RANBP2: variants seen among roughly 807,000 people sequenced by gnomAD.
RANBP2 encodes the protein RAN binding protein 2.
In RANBP2, 57 loss-of-function variants were observed where a neutral mutation model predicts 303.6. The ratio of observed to expected loss-of-function variants is 0.19; its 90% CI spans 0.15 to 0.23. The LOEUF (loss-of-function observed/expected upper bound fraction) is 0.23, where lower values mean the gene tolerates loss of function less well. RANBP2 is among the 10% of genes least tolerant of loss of function. The probability of loss-of-function intolerance (pLI) is 1.00; values close to 1 mark genes in which losing one functional copy is unlikely to be tolerated. For synonymous variants in RANBP2, 1,167 were observed against 1,301.5 expected (o/e 0.90, Z 2.23); for missense variants, 3,138 against 3,780.8 (o/e 0.83, Z 4.46).
the RANBP2 span, among the ~76,000 whole-genome samples, chr2:109,344,749 G>C: frequency 2.0e-5 from 3 of 152,140 alleles, no homozygotes; most frequent in African/African-American, 4.8e-5. Context: ...CAAGGGAAAG[G>C]GTGGGCACAG....
Position 108,775,601 on chromosome 2 carries a change from A to G in RANBP2, c.8293-131A>G, listed in dbSNP as rs373275078. 1,122 of 860,266 alleles carry G rather than the reference A, an allele frequency of 1.3e-3. 23 individuals carry two copies. The South Asian group carries it at 0.016, about 12-fold the overall frequency. 53.3% of individuals were successfully genotyped at this position (860,266 alleles called of 1,614,324 possible). On this transcript the variant is annotated intron_variant, in intron 23 of 28. Transcript: ENST00000283195. Reference sequence around the variant, plus strand: ...ATTTAGTTATAGGTTTTGAGGAGAGATAGGGTGAAGTGTGTTTATTCTATC... The same window carrying G: ...ATTTAGTTATAGGTTTTGAGGAGAGGTAGGGTGAAGTGTGTTTATTCTATC...
chr2:109,103,544 GTTA>G, the RANBP2 span, among the ~76,000 whole-genome samples: 2 of 152,192 alleles, frequency 1.3e-5, no homozygotes, highest in African/African-American at 4.8e-5. Flanking sequence ...GGTTGAAAGA[GTTA>G]TTATCTAAAG....
the RANBP2 span, among the ~76,000 whole-genome samples, chr2:109,643,468 G>A: frequency 1.3e-5 from 2 of 152,122 alleles, no homozygotes; most frequent in African/African-American, 4.8e-5. Flanking sequence ...CAGTAAAGAA[G>A]CCTGCCAAAG....
chr2:108,773,877 G>C (rs901049479), intron 23 of RANBP2, among the ~76,000 whole-genome samples: 7 of 152,150 alleles, frequency 4.6e-5, no homozygotes, highest in Non-Finnish European at 7.3e-5. Context: ...TCAATCTCTT[G>C]ACCTCGTGAT....
the RANBP2 span, among the ~76,000 whole-genome samples, chr2:109,401,439 A>C: frequency 2.4e-3 from 360 of 152,320 alleles, 2 homozygotes; most frequent in African/African-American, 7.8e-3. Flanking sequence ...AGGGACCCCC[A>C]TCAACCAGAG....
chr2:109,248,845 G>A, the RANBP2 span, among the ~76,000 whole-genome samples: 743 of 129,440 alleles, frequency 5.7e-3, 2 homozygotes, highest in African/African-American at 0.017. Context: ...TCTCCTTTTC[G>A]TTTTCCTTTT....
At chr2:108,760,236 C>T (rs2557907) in intron 18 of RANBP2, among the ~76,000 whole-genome samples, 1 of 152,162 alleles carries the variant, frequency 6.6e-6, no homozygotes, top group African/African-American at 2.4e-5. Flanking sequence ...TTAACATTTC[C>T]TATATTTGAG....
the RANBP2 span, among the ~76,000 whole-genome samples, chr2:109,107,535 G>C: frequency 5.9e-4 from 90 of 152,216 alleles, 1 homozygote; most frequent in Non-Finnish European, 1.2e-4. Flanking sequence ...GTTGAATCAA[G>C]TCTACTTTCC....
At chr2:109,333,104 C>CA in the RANBP2 span, among the ~76,000 whole-genome samples, 1 of 152,202 alleles carries the variant, frequency 6.6e-6, no homozygotes, top group African/African-American at 2.4e-5. Flanking sequence ...CAGTGCGTTC[C>CA]AGGAGAGACC....
At chr2:109,336,523 A>T in the RANBP2 span, among the ~76,000 whole-genome samples, 3 of 152,218 alleles carry the variant, frequency 2.0e-5, no homozygotes, top group Admixed American at 1.3e-4. Context: ...GGCCCCGTGT[A>T]CCCCGCAGGC....
the RANBP2 span, among the ~76,000 whole-genome samples, chr2:108,848,982 A>C: frequency 6.6e-6 from 1 of 152,210 alleles, no homozygotes; most frequent in Non-Finnish European, 1.5e-5. Context: ...CCCTGTGTTC[A>C]AGAAGGTAAA....
chr2:109,580,197 G>T, the RANBP2 span, among the ~76,000 whole-genome samples: 2 of 150,846 alleles, frequency 1.3e-5, no homozygotes, highest in Non-Finnish European at 1.5e-5. Flanking sequence ...AAAACTAAAA[G>T]AAAAATATAG....
At chr2:108,975,871 G>A in the RANBP2 span, among the ~76,000 whole-genome samples, 1 of 152,188 alleles carries the variant, frequency 6.6e-6, no homozygotes, top group African/African-American at 2.4e-5. Flanking sequence ...TCTGTGGATG[G>A]TGGAAAGGGC....
chr2:109,550,472 C>T, the RANBP2 span, among the ~76,000 whole-genome samples: 4 of 151,826 alleles, frequency 2.6e-5, no homozygotes, highest in South Asian at 8.3e-4. Context: ...TGCCACCATG[C>T]CTGGCTAATT....
the RANBP2 span, among the ~76,000 whole-genome samples, chr2:109,645,387 A>G: frequency 6.6e-6 from 1 of 152,226 alleles, no homozygotes; most frequent in Non-Finnish European, 1.5e-5. Flanking sequence ...CTGATGAGAG[A>G]TGCCTGAAAT....
the RANBP2 span, among the ~76,000 whole-genome samples, chr2:108,993,569 C>T: frequency 6.6e-6 from 1 of 152,066 alleles, no homozygotes; most frequent in South Asian, 2.1e-4. Context: ...ACCTAGATAC[C>T]GGGAGATGAA....
chr2:109,429,774 G>A, the RANBP2 span, among the ~76,000 whole-genome samples: 2 of 152,214 alleles, frequency 1.3e-5, no homozygotes, highest in Non-Finnish European at 2.9e-5. Context: ...GTGCAAGAAG[G>A]CCACAGACAG....
chr2:109,735,765 G>C, the RANBP2 span, among the ~76,000 whole-genome samples: 5 of 152,138 alleles, frequency 3.3e-5, no homozygotes, highest in Non-Finnish European at 7.4e-5. Context: ...CAAACTTATA[G>C]TTAATAATCA....
At chr2:108,873,807 G>A in the RANBP2 span, among the ~76,000 whole-genome samples, 6 of 152,044 alleles carry the variant, frequency 3.9e-5, no homozygotes, top group Non-Finnish European at 8.8e-5. Context: ...TTTGTGTTGG[G>A]CCACATTCAA....
Sources: gnomAD v4.1 joint callset for allele counts (sites outside exome capture counted in the v4.1 genomes callset) on GRCh38, gnomAD v4.1.1 for gene constraint, MANE v1.5 for transcripts, NCBI Gene and HGNC (gene_info 2026-07-23, HGNC 2026-07-21) for gene names.